The following GABRG3 variants were observed in gnomAD, a reference collection of about 807,000 sequenced individuals.
GABRG3 encodes gamma-aminobutyric acid type A receptor subunit gamma3.
A neutral mutation model predicts 48.8 loss-of-function variants in GABRG3; 25 were observed. The ratio of observed to expected loss-of-function variants is 0.51; its 90% CI spans 0.37 to 0.72. The LOEUF (loss-of-function observed/expected upper bound fraction) is 0.72, where lower values mean the gene tolerates loss of function less well. Among genes scored for constraint, GABRG3 ranks in the 30% least tolerant of loss-of-function variants. The pLI is 0.00. For synonymous variants in GABRG3, 227 were observed against 217.6 expected, an observed-to-expected ratio of 1.04 and a Z score of -0.38; for missense variants, 394 against 577.9, an observed-to-expected ratio of 0.68 and a Z score of 3.26.
intron 5 of GABRG3, among the ~76,000 whole-genome samples, chr15:27,388,317 GGA>G (rs1896088780): frequency 1.0e-4 from 3 of 29,468 alleles, no homozygotes; most frequent in Non-Finnish European, 1.9e-4. Context: ...AGGGAGGGAG[GGA>G]AAAGAAGGAA....
intron 5 of GABRG3, among the ~76,000 whole-genome samples, chr15:27,371,155 T>TG (rs1322757843): frequency 6.6e-6 from 1 of 151,430 alleles, no homozygotes; most frequent in African/African-American, 2.4e-5. Context: ...CAACATTTTG[T>TG]GGAAAAAAAA....
At chr15:26,997,552 A>G (rs1300667926) in intron 2 of GABRG3, among the ~76,000 whole-genome samples, 3 of 152,120 alleles carry the variant, frequency 2.0e-5, no homozygotes, top group Admixed American at 6.5e-5. Context: ...CAAGAAGTCT[A>G]CTTCCCCCAG....
intron 2 of GABRG3, among the ~76,000 whole-genome samples, chr15:27,016,458 G>T (rs1747843676): frequency 6.6e-6 from 1 of 151,994 alleles, no homozygotes; most frequent in African/African-American, 2.4e-5. Context: ...TTTCTGCTGA[G>T]AAATGAGGTT....
chr15:27,319,740 C>T lies in GABRG3; in HGVS notation c.271-7069C>T, dbSNP rs1017165143. On this transcript the variant is annotated intron_variant, in intron 3 of 9. Transcript: ENST00000615808. This position sits in a 1 kb window ranked among gnomAD's most constrained non-coding sequence, Gnocchi z 4.4. ...GCGTGCACCATGGTGGCTATAGTAA[C>T]GGGTTGGTTTGTAAGCAAGCACGAT... Among the ~76,000 whole-genome samples, 2 of 152,046 alleles carry T rather than the reference C, an allele frequency of 1.3e-5. No homozygotes were observed. The highest frequency in any genetic ancestry group is 1.9e-4 in the East Asian group (1 of 5,182).
Position 27,181,036 on chromosome 15 carries a change from A to G in GABRG3, c.271-145773A>G, listed in dbSNP as rs374600435. On this transcript the variant is annotated intron_variant, in intron 3 of 9. Transcript: ENST00000615808. ...AGATGGCACAGGGCAGTAAAGGCCT[A>G]AAGGGTTGAAGGGCTGACCTTGAAT... Among the ~76,000 whole-genome samples, 10 of 152,310 alleles carry G rather than the reference A, an allele frequency of 6.6e-5. No individual in the cohort carries two copies. The East Asian group carries it at 9.7e-4, about 15-fold the overall frequency.
intron 5 of GABRG3, among the ~76,000 whole-genome samples, chr15:27,354,296 C>G (rs1211140804): frequency 6.6e-6 from 1 of 152,238 alleles, no homozygotes; most frequent in Admixed American, 6.5e-5. Flanking sequence ...CCCCTGCGTA[C>G]CTCCTTCTCA....
intron 3 of GABRG3, among the ~76,000 whole-genome samples, chr15:27,155,012 TC>T (rs2140398936): frequency 6.6e-6 from 1 of 152,240 alleles, no homozygotes; most frequent in South Asian, 2.1e-4. Context: ...TTCCTGGACT[TC>T]CATGACACAA....
At chr15:27,227,075 G>A (rs561986714) in intron 3 of GABRG3, among the ~76,000 whole-genome samples, 3 of 152,326 alleles carry the variant, frequency 2.0e-5, no homozygotes, top group South Asian at 2.1e-4. Flanking sequence ...CCGCCTGTAA[G>A]GTGAGGTCTC....
intron 3 of GABRG3, among the ~76,000 whole-genome samples, chr15:27,260,450 A>C (rs1163346830): frequency 1.3e-5 from 2 of 152,162 alleles, no homozygotes; most frequent in Non-Finnish European, 2.9e-5. Flanking sequence ...TCAGTCTATA[A>C]CATGGTGCAC....
intron 5 of GABRG3, among the ~76,000 whole-genome samples, chr15:27,452,357 G>A (rs1484759051): frequency 2.6e-5 from 4 of 152,156 alleles, no homozygotes; most frequent in Non-Finnish European, 4.4e-5. Context: ...ACTGTCATAT[G>A]ATCCAGCAAT....
intron 3 of GABRG3, among the ~76,000 whole-genome samples, chr15:27,106,008 G>C (rs1273625010): frequency 1.3e-5 from 2 of 152,074 alleles, no homozygotes; most frequent in African/African-American, 2.4e-5. Flanking sequence ...ATTATGCTAA[G>C]TGAAATAAGC....
Position 27,179,096 on chromosome 15 carries a change from A to G in GABRG3, c.271-147713A>G, listed in dbSNP as rs1485421353. 3.3e-5 allele frequency among the ~76,000 whole-genome samples: 5 copies of G among 152,200 alleles called. No homozygotes were observed. Among genetic ancestry groups the G allele is most frequent in the Non-Finnish European group, 7.3e-5 (5 of 68,038 alleles). On this transcript the variant is annotated intron_variant, in intron 3 of 9. Coordinates refer to ENST00000615808, the MANE Select transcript of GABRG3 (RefSeq NM_033223.5). This position sits in a 1 kb window ranked among gnomAD's most constrained non-coding sequence, Gnocchi z 4.0. ...TTTTGGGGCCTTCATTTTGGGTTATAGTTTTCTATCCCCAATAAAACAAAT... is the reference window on the plus strand; with the variant it reads ...TTTTGGGGCCTTCATTTTGGGTTATGGTTTTCTATCCCCAATAAAACAAAT...
At chr15:27,188,272 T>A (rs1267518554) in intron 3 of GABRG3, among the ~76,000 whole-genome samples, 1 of 152,176 alleles carries the variant, frequency 6.6e-6, no homozygotes, top group Non-Finnish European at 1.5e-5. Context: ...CAAATGGTAT[T>A]TCTAGTTCTA....
At chr15:27,376,321 G>A (rs144585783) in intron 5 of GABRG3, among the ~76,000 whole-genome samples, 12 of 152,334 alleles carry the variant, frequency 7.9e-5, no homozygotes, top group Non-Finnish European at 1.3e-4. Context: ...GGTGCACGAT[G>A]CAAACCATCA....
intron 3 of GABRG3, among the ~76,000 whole-genome samples, chr15:27,173,806 C>T (rs771785552): frequency 6.6e-6 from 1 of 151,888 alleles, no homozygotes; most frequent in Non-Finnish European, 1.5e-5. Flanking sequence ...CAGTTGAGCC[C>T]AAGAATTAGA....
chr15:27,518,426 AATTT>A (rs1310045436), intron 6 of GABRG3, among the ~76,000 whole-genome samples: 7 of 151,912 alleles, frequency 4.6e-5, no homozygotes, highest in Non-Finnish European at 7.4e-5. Flanking sequence ...AATATTAATT[AATTT>A]ATTATGGTTA....
At chr15:27,102,872 C>A (rs1253390801) in intron 3 of GABRG3, among the ~76,000 whole-genome samples, 1 of 152,128 alleles carries the variant, frequency 6.6e-6, no homozygotes, top group Admixed American at 6.5e-5. Context: ...CCAAGTACCA[C>A]CGGCATTAAA....
At chr15:27,494,678 C>G (rs1419723114) in intron 6 of GABRG3, among the ~76,000 whole-genome samples, 1 of 152,062 alleles carries the variant, frequency 6.6e-6, no homozygotes, top group African/African-American at 2.4e-5. Flanking sequence ...CTTACAAGAT[C>G]TGTAGTTTTC....
chr15:27,522,233 T>C (rs1305037136), intron 7 of GABRG3, among the ~76,000 whole-genome samples: 1 of 151,930 alleles, frequency 6.6e-6, no homozygotes, highest in Admixed American at 6.5e-5. Flanking sequence ...AAATTCTATA[T>C]CCAGAGAAAA....
Sources: gnomAD v4.1 joint callset for allele counts (sites outside exome capture counted in the v4.1 genomes callset) on GRCh38, gnomAD v4.1.1 for gene constraint, Gnocchi (gnomAD v3.1) non-coding constraint, MANE v1.5 for transcripts, NCBI Gene and HGNC (gene_info 2026-07-23, HGNC 2026-07-21) for gene names.